Variants in BDH1 observed in about 807,000 individuals in gnomAD.
BDH1 encodes the protein 3-hydroxybutyrate dehydrogenase 1.
In BDH1, 30 loss-of-function variants were observed where a neutral mutation model predicts 33.1. That is an observed-to-expected ratio of 0.91 (90% CI 0.68 to 1.23). The LOEUF (loss-of-function observed/expected upper bound fraction) is 1.23, where lower values mean the gene tolerates loss of function less well. BDH1 is among the 50% of genes most tolerant of loss of function. The probability of loss-of-function intolerance (pLI) is 0.00; values close to 1 mark genes in which losing one functional copy is unlikely to be tolerated. For missense variants in BDH1, 443 were observed against 464.4 expected, an observed-to-expected ratio of 0.95 and a Z score of 0.42; for synonymous variants, 190 against 183.6, an observed-to-expected ratio of 1.03 and a Z score of -0.28.
intron 2 of BDH1, among the ~76,000 whole-genome samples, chr3:197,551,970 G>A (rs58895595): frequency 0.1 from 15,341 of 152,078 alleles, 987 homozygotes; most frequent in African/African-American, 0.17. Context: ...TCTGTTCTCC[G>A]CACCATGACG....
upstream of BDH1, among the ~76,000 whole-genome samples, chr3:197,559,000 A>AC (rs1164559356): frequency 4.7e-5 from 7 of 148,120 alleles, no homozygotes; most frequent in East Asian, 9.8e-4. Context: ...GGGCAATTGA[A>AC]CTTTTTTTTT....
At chr3:197,533,784 G>A in intron 3 of BDH1, 1 of 519,718 alleles carries the variant, frequency 1.9e-6, no homozygotes, top group South Asian at 3.2e-5. Context: ...GAGCCTTCCT[G>A]AGAATAAAGC....
At chr3:197,546,290 G>A in intron 3 of BDH1, 71 bp downstream of exon 3, 2 of 1,457,228 alleles carry the variant, frequency 1.4e-6, no homozygotes, top group Non-Finnish European at 1.9e-6. Flanking sequence ...CGCCTACACT[G>A]TCCATGTGTG....
Position 197,528,658 on chromosome 3 carries a change from T to C in BDH1, c.267+3754A>G, listed in dbSNP as rs1322369509. 5.3e-5 allele frequency: 8 copies of C among 152,184 alleles called. No homozygotes were observed. Among genetic ancestry groups the C allele is most frequent in the Admixed American group, 3.9e-4 (6 of 15,272 alleles). The allele number at this position is 152,184 out of a possible 1,614,324, so 9.4% of individuals were successfully genotyped here. A position where few individuals can be genotyped will look rare whatever the true frequency, so the allele number is the denominator to read the frequency against. On this transcript the variant is annotated intron_variant, in intron 5 of 7. Transcript: ENST00000392379. This position sits in a 1 kb window ranked among gnomAD's most constrained non-coding sequence, Gnocchi z 5.1. The stretch of plus-strand genomic sequence containing the variant: ...CAGATGGAATGGGTCAAGAGGTAGA[T>C]ACCAACAGATATAACCTGCCAATGA...
At chr3:197,553,053 G>T (rs939624202) in intron 2 of BDH1, among the ~76,000 whole-genome samples, 1 of 152,026 alleles carries the variant, frequency 6.6e-6, no homozygotes, top group East Asian at 1.9e-4. Flanking sequence ...AAGTAACTGG[G>T]GTTACAAGCA....
Position 197,516,060 on chromosome 3 carries a change from G to C in BDH1, c.410-1644C>G, listed in dbSNP as rs968496207. Among the ~76,000 whole-genome samples, 1 of 152,146 alleles carries C rather than the reference G, an allele frequency of 6.6e-6. No individual in the cohort carries two copies. The highest frequency in any genetic ancestry group is 6.5e-5 in the Admixed American group (1 of 15,272). On this transcript the variant is annotated intron_variant, in intron 6 of 7. Transcript: ENST00000392379. This position sits in a 1 kb window ranked among gnomAD's most constrained non-coding sequence, Gnocchi z 4.2. ...CCCAGTCTTCACTCTCCTCAGGCTC[G>C]CTACGATATGAGTACTGCCAGTACT...
intron 2 of BDH1, among the ~76,000 whole-genome samples, chr3:197,552,495 T>C (rs111336443): frequency 0.095 from 14,456 of 152,200 alleles, 816 homozygotes; most frequent in African/African-American, 0.15. Context: ...GTCTCCATTG[T>C]CCCTCTGACC....
At position 197,514,571 on chromosome 3, in the gene BDH1, C is replaced by A. The variant is rs528374133; in HGVS notation, c.410-155G>T. Among the ~76,000 whole-genome samples the A allele has an allele frequency of 6.6e-6, 1 of 152,158 alleles. No individual in the cohort carries two copies. The highest frequency in any genetic ancestry group is 1.5e-5 in the Non-Finnish European group (1 of 68,030). ...GAAACTTTCTAGAGTCACTCAGGAA[C>A]GACAGGAGGTAAAGAGGCCTAAAGT... is the stretch of plus-strand genomic sequence containing the variant. On this transcript the variant is annotated intron_variant, in intron 6 of 7. Transcript: ENST00000392379. This position sits in a 1 kb window ranked among gnomAD's most constrained non-coding sequence, Gnocchi z 4.2.
At chr3:197,556,169 C>G (rs901130116), upstream of BDH1, 1 of 152,260 alleles carries the variant, frequency 6.6e-6, no homozygotes, top group Non-Finnish European at 1.5e-5. Flanking sequence ...GCTCCCCGAC[C>G]GCTGGGCGGG....
At chr3:197,562,462 C>T (rs1020771663) in intron 1 of BDH1, among the ~76,000 whole-genome samples, 6 of 152,144 alleles carry the variant, frequency 3.9e-5, no homozygotes, top group African/African-American at 9.7e-5. Context: ...CCTGGGTGAC[C>T]AGGGGCCTCG....
Position 197,511,931 on chromosome 3 carries a change from C to A in BDH1, c.996G>T (p.Leu332Phe), listed in dbSNP as rs1396679538. Residue 332 changes from leucine to phenylalanine, a missense_variant, in exon 8 of 8, where the codon TTG becomes TTT. Coordinates refer to ENST00000392379, the MANE Select transcript of BDH1 (RefSeq NM_203314.3). ...AGATCATGTCGGAGATGGCTCCAGG[C>A]AAGTGGGTCATGATCTGCATTCGCA... is the stretch of plus-strand genomic sequence containing the variant. ...WWLRMQIMTH[L>F]PGAISDMIYI... 6.3e-7 allele frequency: 1 copy of A among 1,576,922 alleles called. No individual in the cohort carries two copies. Among genetic ancestry groups the A allele is most frequent in the Non-Finnish European group, 8.6e-7 (1 of 1,158,290 alleles).
At chr3:197,532,744 T>A (rs568603163) in intron 4 of BDH1, among the ~76,000 whole-genome samples, 3 of 152,342 alleles carry the variant, frequency 2.0e-5, no homozygotes, top group Non-Finnish European at 4.4e-5. Flanking sequence ...TTGGGAAAAT[T>A]ACTTCTGCCT....
At position 197,521,283 on chromosome 3, in the gene BDH1, C is replaced by T. The variant is rs1022489450; in HGVS notation, c.409+1357G>A. Among the ~76,000 whole-genome samples the T allele has an allele frequency of 2.0e-5, 3 of 152,164 alleles. No individual in the cohort carries two copies. The highest frequency in any genetic ancestry group is 7.2e-5 in the African/African-American group (3 of 41,428). On this transcript the variant is annotated intron_variant, in intron 6 of 7. Transcript: ENST00000392379. The surrounding 1 kb of genome is among the most constrained non-coding windows in gnomAD (Gnocchi z 4.9). Reference sequence around the variant, plus strand: ...GGCCCGGCTCCAGGGAGCTCCATCCCCCACTGCTGTATTCTACATGAATGG... The same window carrying T: ...GGCCCGGCTCCAGGGAGCTCCATCCTCCACTGCTGTATTCTACATGAATGG...
At chr3:197,571,629 C>T (rs1046667157) in intron 1 of BDH1, among the ~76,000 whole-genome samples, 1 of 152,186 alleles carries the variant, frequency 6.6e-6, no homozygotes, top group African/African-American at 2.4e-5. Context: ...GTAAGATGTG[C>T]CTTTTGCCTT....
intron 3 of BDH1, among the ~76,000 whole-genome samples, chr3:197,541,288 A>C (rs537052494): frequency 1.3e-5 from 2 of 152,318 alleles, no homozygotes; most frequent in African/African-American, 2.4e-5. Flanking sequence ...CATTCACCTC[A>C]GGGGATTCCA....
In BDH1 at chr3:197,511,146, G is replaced by C. The variant is rs1295214134; in HGVS notation, c.*749C>G. ...GAAGGCTGAGGCAGGAGAACCGCTT[G>C]AACCAGGGAGGCGGAGGTTGCAGTG... On this transcript the variant is annotated 3_prime_UTR_variant, in exon 8 of 8. Coordinates refer to ENST00000392379, the MANE Select transcript of BDH1 (RefSeq NM_203314.3). The C allele has an allele frequency of 1.3e-5, 2 of 152,340 alleles. No homozygotes were observed. The highest frequency in any genetic ancestry group is 2.9e-5 in the Non-Finnish European group (2 of 68,140). The allele number at this position is 152,340 out of a possible 1,614,324, so 9.4% of individuals were successfully genotyped here.
At chr3:197,513,040 G>A (rs1409132235) in intron 7 of BDH1, among the ~76,000 whole-genome samples, 1 of 152,244 alleles carries the variant, frequency 6.6e-6, no homozygotes, top group South Asian at 2.1e-4. Context: ...GACCAGGACC[G>A]CCTGGCAAAC....
intron 3 of BDH1, chr3:197,542,977 G>A: frequency 1.0e-6 from 1 of 985,180 alleles, no homozygotes; most frequent in Non-Finnish European, 1.2e-6. Flanking sequence ...AGAGCCTGCT[G>A]TCCTCAGCGC....
rs186367619 is a variant in BDH1, at chr3:197,515,249, A to G, written c.410-833T>C. The G allele has an allele frequency of 1.1e-4, 111 of 978,278 alleles. No homozygotes were observed. In the African/African-American group the frequency reaches 1.9e-3, roughly 17 times the overall value. 60.6% of individuals were successfully genotyped at this position (978,278 alleles called of 1,614,324 possible). A position where few individuals can be genotyped will look rare whatever the true frequency, so the allele number is the denominator to read the frequency against. The stretch of plus-strand genomic sequence containing the variant: ...CTTCTCCTTCAATTATGGAGAATTA[A>G]GGGCATTTATTAGGGAAAGGAAATT... On this transcript the variant is annotated intron_variant, in intron 6 of 7. Coordinates refer to ENST00000392379, the MANE Select transcript of BDH1 (RefSeq NM_203314.3).
Sources: gnomAD v4.1 joint callset for allele counts (sites outside exome capture counted in the v4.1 genomes callset) on GRCh38, gnomAD v4.1.1 for gene constraint, Gnocchi (gnomAD v3.1) non-coding constraint, MANE v1.5 for transcripts, NCBI Gene and HGNC (gene_info 2026-07-23, HGNC 2026-07-21) for gene names.